AP3M1: variants seen among roughly 807,000 people sequenced by gnomAD.
The protein encoded by AP3M1 is AP-3 complex subunit mu-1.
AP3M1 carries 29 observed loss-of-function variants against 42.6 expected under a neutral mutation model. That is an observed-to-expected ratio of 0.68 (90% CI 0.51 to 0.93). The LOEUF is 0.93. Among genes scored for constraint, AP3M1 ranks in the 40% least tolerant of loss-of-function variants. AP3M1 has a pLI of 0.00. For missense variants in AP3M1, 416 were observed against 510.2 expected, an observed-to-expected ratio of 0.82 and a Z score of 1.78; for synonymous variants, 178 against 175.3, an observed-to-expected ratio of 1.02 and a Z score of -0.12.
chr10:74,140,850 A>G (rs1423274892), intron 1 of AP3M1, among the ~76,000 whole-genome samples: 1 of 152,222 alleles, frequency 6.6e-6, no homozygotes, highest in Admixed American at 6.5e-5. Flanking sequence ...CAAAAGAATG[A>G]AATTGGATAC....
At position 74,129,209 on chromosome 10, in the gene AP3M1, G is replaced by A. The variant is rs987726011; in HGVS notation, c.702C>T (p.His234=). The change falls in exon 6 of 9, where the codon CAC becomes CAT. Residue 234 remains histidine, a synonymous_variant. Coordinates refer to ENST00000355264, the MANE Select transcript of AP3M1 (RefSeq NM_012095.6). ...NPRLLDDVSF[H]PCIRFKRWES... is the part of the protein sequence containing the mutation. ...CCCAACGCTTGAACCGGATGCAGGG[G>A]TGAAAGCTGACATCATCCAGAAGCC... 4 of 1,614,106 alleles carry A rather than the reference G, an allele frequency of 2.5e-6. No individual in the cohort carries two copies. Among genetic ancestry groups the A allele is most frequent in the Non-Finnish European group, 3.4e-6 (4 of 1,179,990 alleles).
At chr10:74,133,780 G>A (rs1398669448) in intron 4 of AP3M1, among the ~76,000 whole-genome samples, 1 of 150,580 alleles carries the variant, frequency 6.6e-6, no homozygotes, top group Non-Finnish European at 1.5e-5. Flanking sequence ...TCAGCCTCCC[G>A]AGTAGCTGGG....
chr10:74,149,789 T>G (rs1014112175), intron 1 of AP3M1, among the ~76,000 whole-genome samples: 6 of 152,144 alleles, frequency 3.9e-5, no homozygotes, highest in African/African-American at 1.4e-4. Context: ...CAAATAGATA[T>G]CTTGTATTCT....
Position 74,138,354 on chromosome 10 carries a change from T to G in AP3M1, c.26A>C (p.Asn9Thr). 6.2e-7 allele frequency: 1 copy of G among 1,613,922 alleles called. No homozygotes were observed. Among genetic ancestry groups the G allele is most frequent in the Non-Finnish European group, 8.5e-7 (1 of 1,179,916 alleles). Residue 9 changes from asparagine to threonine, a missense_variant, in exon 2 of 9, where the codon AAC becomes ACC. By Grantham distance (65) the Asn-to-Thr change is moderately conservative (BLOSUM62 0). Coordinates refer to ENST00000355264, the MANE Select transcript of AP3M1 (RefSeq NM_012095.6). ...CTCTAGAAATATGTCACCGGAACAGTTTATGAGAAATAGACTGTGGATCAT... is the reference window on the plus strand; with the variant it reads ...CTCTAGAAATATGTCACCGGAACAGGTTATGAGAAATAGACTGTGGATCAT... MIHSLFLI[N>T]CSGDIFLEKH...
chr10:74,124,613 G>A (rs1220778627), intron 7 of AP3M1, 89 bp from the exon 8 acceptor site: 3 of 1,155,898 alleles, frequency 2.6e-6, no homozygotes, highest in Non-Finnish European at 3.6e-6. Flanking sequence ...ATAAACTTCT[G>A]TACAAACTGA....
intron 1 of AP3M1, among the ~76,000 whole-genome samples, chr10:74,141,813 C>T (rs903125228): frequency 1.1e-4 from 17 of 149,788 alleles, no homozygotes; most frequent in South Asian, 8.4e-4. Context: ...CCCAAGTTCA[C>T]GAGATTCTCC....
At chr10:74,144,717 C>T (rs909390473) in intron 1 of AP3M1, among the ~76,000 whole-genome samples, 12 of 150,142 alleles carry the variant, frequency 8.0e-5, no homozygotes, top group African/African-American at 2.7e-4. Context: ...GGCTGGAGTG[C>T]AATGGCACGA....
At chr10:74,128,172 CATG>C (rs549975910) in intron 6 of AP3M1, among the ~76,000 whole-genome samples, 94 of 147,010 alleles carry the variant, frequency 6.4e-4, no homozygotes, top group Non-Finnish European at 1.1e-3. Context: ...TGAGTTCTGT[CATG>C]ATGTTACTCA....
At chr10:74,140,272 C>T (rs895313489) in intron 1 of AP3M1, among the ~76,000 whole-genome samples, 2 of 152,228 alleles carry the variant, frequency 1.3e-5, no homozygotes, top group African/African-American at 2.4e-5. Flanking sequence ...CCAAGCCCCA[C>T]GTCCTCGTCT....
intron 1 of AP3M1, among the ~76,000 whole-genome samples, chr10:74,142,030 T>C (rs190672416): frequency 6.6e-6 from 1 of 152,240 alleles, no homozygotes; most frequent in East Asian, 1.9e-4. Context: ...CAATGTTTTA[T>C]TTCTTGACCT....
At chr10:74,125,329 A>G (rs1840583718) in intron 7 of AP3M1, among the ~76,000 whole-genome samples, 2 of 152,210 alleles carry the variant, frequency 1.3e-5, no homozygotes, top group African/African-American at 4.8e-5. Flanking sequence ...TGGTGTTTTT[A>G]AAACTTTTAG....
intron 1 of AP3M1, among the ~76,000 whole-genome samples, chr10:74,149,547 C>G (rs188868819): frequency 1.0e-3 from 154 of 152,086 alleles, no homozygotes; most frequent in African/African-American, 3.6e-3. Flanking sequence ...TTCAGCCTGC[C>G]AAAGTGCTGA....
intron 1 of AP3M1, among the ~76,000 whole-genome samples, chr10:74,147,650 A>T (rs1366361540): frequency 1.3e-5 from 2 of 152,212 alleles, no homozygotes; most frequent in Non-Finnish European, 2.9e-5. Flanking sequence ...AGCAGTTTTT[A>T]TCTGCTTTGA....
At chr10:74,135,316 T>A (rs941951265) in intron 3 of AP3M1, among the ~76,000 whole-genome samples, 2 of 152,244 alleles carry the variant, frequency 1.3e-5, no homozygotes, top group South Asian at 4.1e-4. Flanking sequence ...AGTTCCACCA[T>A]GGAGAATGCT....
At position 74,122,695 on chromosome 10, in the gene AP3M1, T is replaced by C. The variant is rs374552820; in HGVS notation, c.*1115A>G. On this transcript the variant is annotated 3_prime_UTR_variant, in exon 9 of 9. Coordinates refer to ENST00000355264, the MANE Select transcript of AP3M1 (RefSeq NM_012095.6). ...ACTCCAGTGACAATTATGACAATAG[T>C]TTCTGGAAGAAATCTATGACTATAG... 6.6e-6 allele frequency: 1 copy of C among 152,214 alleles called. No individual in the cohort carries two copies. Among genetic ancestry groups the C allele is most frequent in the Non-Finnish European group, 1.5e-5 (1 of 68,042 alleles). The allele number at this position is 152,214 out of a possible 1,614,324, so 9.4% of individuals were successfully genotyped here. A position where few individuals can be genotyped will look rare whatever the true frequency, so the allele number is the denominator to read the frequency against.
chr10:74,149,405 T>G (rs1267647144), intron 1 of AP3M1, among the ~76,000 whole-genome samples: 2 of 145,080 alleles, frequency 1.4e-5, no homozygotes, highest in Non-Finnish European at 3.0e-5. Flanking sequence ...TTCTCCTGCC[T>G]CAGCCTACCA....
At chr10:74,140,153 C>T (rs1841097740) in intron 1 of AP3M1, among the ~76,000 whole-genome samples, 1 of 152,166 alleles carries the variant, frequency 6.6e-6, no homozygotes, top group Non-Finnish European at 1.5e-5. Context: ...TGGGAGGAGC[C>T]CTCGGTCCCC....
At chr10:74,137,561 G>T (rs1840985394) in intron 2 of AP3M1, among the ~76,000 whole-genome samples, 1 of 152,168 alleles carries the variant, frequency 6.6e-6, no homozygotes. Context: ...GGGCATTATT[G>T]TTTCCTGATG....
Position 74,140,235 on chromosome 10 carries a change from G to A in AP3M1, c.-3-1853C>T, listed in dbSNP as rs114194713. ...TGCGTTTCCTGAGCCAGGATCTGGG[G>A]CGAGATGGCTGCAGGCGGCCGTGCG... is the stretch of plus-strand genomic sequence containing the variant. On this transcript the variant is annotated intron_variant, in intron 1 of 8. Coordinates refer to ENST00000355264, the MANE Select transcript of AP3M1 (RefSeq NM_012095.6). 1.5e-3 allele frequency among the ~76,000 whole-genome samples: 228 copies of A among 152,324 alleles called. 1 individual carries two copies. Among genetic ancestry groups the A allele is most frequent in the African/African-American group, 5.4e-3 (223 of 41,564 alleles).
Sources: allele counts gnomAD v4.1 joint callset (sites outside exome capture counted in the v4.1 genomes callset), GRCh38; gene constraint gnomAD v4.1.1; transcripts MANE v1.5; gene names NCBI Gene and HGNC (gene_info 2026-07-23, HGNC 2026-07-21).